The following DCDC1 variants were observed in gnomAD, a reference collection of about 807,000 sequenced individuals.
DCDC1 encodes the protein doublecortin domain containing 1, also known as doublecortin domain-containing protein 1.
DCDC1 carries 200 observed loss-of-function variants against 178.3 expected under a neutral mutation model. The ratio of observed to expected loss-of-function variants is 1.12; its 90% CI spans 1.00 to 1.26. The LOEUF is 1.26. DCDC1 is among the 50% of genes most tolerant of loss of function. DCDC1 has a pLI of 0.00. For synonymous variants in DCDC1, 690 were observed against 604.8 expected (o/e 1.14, Z -2.07); for missense variants, 1,983 against 1,749.2 (o/e 1.13, Z -2.38).
intron 21 of DCDC1, among the ~76,000 whole-genome samples, chr11:30,951,872 C>A (rs1324322137): frequency 1.3e-5 from 2 of 151,958 alleles, no homozygotes; most frequent in Non-Finnish European, 2.9e-5. Flanking sequence ...CATAATAATC[C>A]AAATACAATT....
At chr11:31,241,805 A>AC (rs558619703) in intron 8 of DCDC1, 189 bp from the exon 9 acceptor site, 36 of 357,252 alleles carry the variant, frequency 1.0e-4, no homozygotes, top group Non-Finnish European at 1.4e-4. Context: ...ATATTGAGAC[A>AC]CCCCCCATGC....
intron 20 of DCDC1, among the ~76,000 whole-genome samples, chr11:30,965,777 G>C (rs1313412905): frequency 8.1e-6 from 1 of 122,824 alleles, no homozygotes; most frequent in Non-Finnish European, 1.7e-5. Context: ...ACAGTCCCCA[G>C]AGTGTGATAT....
chr11:31,216,788 C>T (rs1049231375), intron 9 of DCDC1, among the ~76,000 whole-genome samples: 24 of 152,080 alleles, frequency 1.6e-4, no homozygotes, highest in Non-Finnish European at 3.4e-4. Flanking sequence ...TAAAAGATCT[C>T]CCTCATTTTC....
At chr11:30,963,806 T>C (rs1401391625) in intron 20 of DCDC1, among the ~76,000 whole-genome samples, 1 of 152,118 alleles carries the variant, frequency 6.6e-6, no homozygotes. Flanking sequence ...CACTTTCTAG[T>C]ATAATCTTGG....
At chr11:30,923,000 G>A (rs957128932) in intron 23 of DCDC1, among the ~76,000 whole-genome samples, 5 of 151,568 alleles carry the variant, frequency 3.3e-5, no homozygotes, top group African/African-American at 1.2e-4. Flanking sequence ...GAGGGAAGGA[G>A]GTGGGAAAGA....
At chr11:31,212,760 T>G (rs1025702979) in intron 9 of DCDC1, among the ~76,000 whole-genome samples, 3 of 152,244 alleles carry the variant, frequency 2.0e-5, no homozygotes, top group Non-Finnish European at 4.4e-5. Context: ...AAAATAAATC[T>G]GTATTTTTTT....
At chr11:30,912,713 T>C (rs1374630418) in intron 27 of DCDC1, among the ~76,000 whole-genome samples, 1 of 152,206 alleles carries the variant, frequency 6.6e-6, no homozygotes, top group African/African-American at 2.4e-5. Context: ...CCTTTTTTAA[T>C]GAGTCCTGAA....
chr11:31,094,794 C>CT (rs796420632), intron 15 of DCDC1, among the ~76,000 whole-genome samples: 59 of 151,430 alleles, frequency 3.9e-4, no homozygotes, highest in African/African-American at 1.0e-3. Context: ...TGAAAGCCTT[C>CT]TTTTTTTTTA....
chr11:31,228,977 G>C (rs1353009475), intron 9 of DCDC1, among the ~76,000 whole-genome samples: 2 of 152,014 alleles, frequency 1.3e-5, no homozygotes, highest in African/African-American at 4.8e-5. Context: ...GGGATCATTT[G>C]TACCCCAAAC....
intron 17 of DCDC1, among the ~76,000 whole-genome samples, chr11:31,085,045 C>A (rs966414390): frequency 6.6e-6 from 1 of 151,826 alleles, no homozygotes; most frequent in East Asian, 2.0e-4. Context: ...AATCACCTGC[C>A]ATTTTGACCT....
chr11:30,926,301 A>G (rs570162355), intron 22 of DCDC1, among the ~76,000 whole-genome samples: 3 of 152,324 alleles, frequency 2.0e-5, no homozygotes, highest in African/African-American at 7.2e-5. Flanking sequence ...ATGAAACTGA[A>G]AAAGAAAACA....
intron 10 of DCDC1, among the ~76,000 whole-genome samples, chr11:31,136,761 T>G (rs1390527088): frequency 6.6e-6 from 1 of 152,136 alleles, no homozygotes; most frequent in Non-Finnish European, 1.5e-5. Context: ...GACATGAAAA[T>G]CATTTTCCCC....
At chr11:30,969,686 A>G (rs934455442) in intron 20 of DCDC1, among the ~76,000 whole-genome samples, 2 of 152,216 alleles carry the variant, frequency 1.3e-5, no homozygotes, top group African/African-American at 4.8e-5. Flanking sequence ...TTTATAATTC[A>G]TATTTGCATA....
chr11:31,029,146 C>T (rs779504566), intron 20 of DCDC1, among the ~76,000 whole-genome samples: 3 of 151,756 alleles, frequency 2.0e-5, no homozygotes, highest in African/African-American at 7.3e-5. Flanking sequence ...CAAATCTCTC[C>T]GTCTGCCAAC....
intron 20 of DCDC1, among the ~76,000 whole-genome samples, chr11:31,005,498 G>C (rs1951789143): frequency 6.6e-6 from 1 of 152,118 alleles, no homozygotes; most frequent in Non-Finnish European, 1.5e-5. Context: ...AATCCTTTCA[G>C]CCATTTCCAT....
At chr11:31,314,212 C>A (rs1948931130) in intron 3 of DCDC1, among the ~76,000 whole-genome samples, 1 of 152,152 alleles carries the variant, frequency 6.6e-6, no homozygotes, top group Non-Finnish European at 1.5e-5. Context: ...ATTATTTAAT[C>A]TTTTGCCATG....
intron 20 of DCDC1, among the ~76,000 whole-genome samples, chr11:30,998,461 T>A (rs187020537): frequency 6.6e-6 from 1 of 152,064 alleles, no homozygotes; most frequent in East Asian, 1.9e-4. Flanking sequence ...AAAGTAAATA[T>A]CCATCAGTCC....
intron 11 of DCDC1, among the ~76,000 whole-genome samples, chr11:31,122,567 G>A (rs1359096442): frequency 6.6e-6 from 1 of 152,002 alleles, no homozygotes; most frequent in Non-Finnish European, 1.5e-5. Context: ...ACTTTTTATT[G>A]TAAATTCTAC....
intron 20 of DCDC1, among the ~76,000 whole-genome samples, chr11:30,972,361 C>G (rs1949850904): frequency 6.6e-6 from 1 of 152,008 alleles, no homozygotes; most frequent in Non-Finnish European, 1.5e-5. Flanking sequence ...CATGTTATAT[C>G]CAGAAAAGTT....
Sources: gnomAD v4.1 joint callset for allele counts (sites outside exome capture counted in the v4.1 genomes callset) on GRCh38, gnomAD v4.1.1 for gene constraint, MANE v1.5 for transcripts, NCBI Gene and HGNC (gene_info 2026-07-23, HGNC 2026-07-21) for gene names.